The following ZZZ3 variants were observed in gnomAD, a reference collection of about 807,000 sequenced individuals.
ZZZ3 encodes zinc finger ZZ-type containing 3, also known as ZZ-type zinc finger-containing protein 3.
In ZZZ3, 22 loss-of-function variants were observed where a neutral mutation model predicts 95.2. The observed-to-expected ratio is 0.23, with a 90% CI of 0.17 to 0.33. ZZZ3 has a LOEUF of 0.33. Among genes scored for constraint, ZZZ3 ranks in the 10% least tolerant of loss-of-function variants. The probability of loss-of-function intolerance (pLI) is 1.00; values close to 1 mark genes in which losing one functional copy is unlikely to be tolerated. For synonymous variants in ZZZ3, 335 were observed against 358.9 expected, an observed-to-expected ratio of 0.93 and a Z score of 0.75; for missense variants, 885 against 1,066.5, an observed-to-expected ratio of 0.83 and a Z score of 2.37.
intron 5 of ZZZ3, among the ~76,000 whole-genome samples, chr1:77,598,611 T>C (rs915867157): frequency 3.3e-5 from 5 of 152,186 alleles, no homozygotes; most frequent in Admixed American, 6.5e-5. Flanking sequence ...TCCCGTCTGA[T>C]TAATTTAAAA....
intron 5 of ZZZ3, among the ~76,000 whole-genome samples, chr1:77,590,900 G>A (rs959353701): frequency 6.6e-6 from 1 of 152,080 alleles, no homozygotes; most frequent in African/African-American, 2.4e-5. Flanking sequence ...GAGAATAAGG[G>A]TAAAAGGAGA....
In ZZZ3 at chr1:77,566,081, C is replaced by G; in HGVS notation, c.2567G>C (p.Cys856Ser). The change falls in exon 14 of 15, where the codon TGT (cysteine) becomes TCT (serine). Residue 856 changes from cysteine to serine, a missense_variant and splice_region_variant. By Grantham distance (112) the Cys-to-Ser change is moderately radical (BLOSUM62 -1). Transcript: ENST00000370801. Reference protein sequence around the residue: ...SLDFCDSCSDCLHETDIHKED... With the variant: ...SLDFCDSCSDSLHETDIHKED... ...GACTGACAATGAAGAAAACACTTAC[C>G]AGTCTGAACAAGAATCACAGAAATC... is the stretch of plus-strand genomic sequence containing the variant. 6.2e-7 allele frequency: 1 copy of G among 1,609,126 alleles called. No homozygotes were observed. The highest frequency in any genetic ancestry group is 8.5e-7 in the Non-Finnish European group (1 of 1,177,082).
At chr1:77,663,970 G>A (rs891840630) in intron 1 of ZZZ3, among the ~76,000 whole-genome samples, 2 of 151,430 alleles carry the variant, frequency 1.3e-5, no homozygotes, top group East Asian at 3.9e-4. Flanking sequence ...GGCTGGTCTC[G>A]AATTCCTGAC....
chr1:77,679,099 A>C (rs1214128816), intron 1 of ZZZ3, among the ~76,000 whole-genome samples: 1 of 152,228 alleles, frequency 6.6e-6, no homozygotes, highest in Non-Finnish European at 1.5e-5. Context: ...GTCAAACAAA[A>C]TAATCAAGAC....
At chr1:77,599,970 C>A (rs887212743) in intron 5 of ZZZ3, among the ~76,000 whole-genome samples, 11 of 152,120 alleles carry the variant, frequency 7.2e-5, no homozygotes, top group African/African-American at 2.2e-4. Flanking sequence ...TTTTCTTTTG[C>A]ATGAAAGGTT....
intron 5 of ZZZ3, among the ~76,000 whole-genome samples, chr1:77,596,806 T>C (rs1486467534): frequency 6.6e-6 from 1 of 151,806 alleles, no homozygotes; most frequent in East Asian, 1.9e-4. Flanking sequence ...ACTTCTGGAG[T>C]GGAATTGTAC....
chr1:77,650,587 C>T (rs1374170074), intron 1 of ZZZ3, among the ~76,000 whole-genome samples: 2 of 146,940 alleles, frequency 1.4e-5, no homozygotes, highest in Non-Finnish European at 3.0e-5. Context: ...GCAGTATTTA[C>T]AGAGAAATCC....
chr1:77,672,058 C>T (rs1343685998), intron 1 of ZZZ3, among the ~76,000 whole-genome samples: 1 of 152,152 alleles, frequency 6.6e-6, no homozygotes, highest in Non-Finnish European at 1.5e-5. Context: ...CAAAAGGGCA[C>T]ACAATTTAAA....
intron 1 of ZZZ3, among the ~76,000 whole-genome samples, chr1:77,654,780 A>G (rs1163997622): frequency 6.6e-6 from 1 of 152,172 alleles, no homozygotes; most frequent in Non-Finnish European, 1.5e-5. Context: ...ATAACAGAAT[A>G]CCAGAAATTG....
chr1:77,679,706 A>C (rs1469486817), intron 1 of ZZZ3, among the ~76,000 whole-genome samples: 2 of 152,232 alleles, frequency 1.3e-5, no homozygotes, highest in African/African-American at 4.8e-5. Flanking sequence ...TCCTCTGATC[A>C]CTGAAGTTCA....
chr1:77,656,443 CA>C (rs1291263098), intron 1 of ZZZ3, among the ~76,000 whole-genome samples: 3 of 151,960 alleles, frequency 2.0e-5, no homozygotes, highest in Non-Finnish European at 4.4e-5. Flanking sequence ...ACACAACAAT[CA>C]AAAAGACTAG....
intron 5 of ZZZ3, among the ~76,000 whole-genome samples, chr1:77,628,783 A>C (rs1237333566): frequency 6.6e-6 from 1 of 152,190 alleles, no homozygotes; most frequent in Non-Finnish European, 1.5e-5. Context: ...TCTATTAACA[A>C]CTTACTTTTA....
intron 5 of ZZZ3, among the ~76,000 whole-genome samples, chr1:77,598,059 C>T (rs1012756950): frequency 6.6e-6 from 1 of 151,998 alleles, no homozygotes; most frequent in African/African-American, 2.4e-5. Flanking sequence ...TAAATACAGT[C>T]GACCCTTGAG....
chr1:77,663,666 G>GT (rs939005953), intron 1 of ZZZ3, among the ~76,000 whole-genome samples: 1 of 151,794 alleles, frequency 6.6e-6, no homozygotes, highest in African/African-American at 2.4e-5. Context: ...TACTTCATTT[G>GT]TTTTTTCTTT....
intron 5 of ZZZ3, among the ~76,000 whole-genome samples, chr1:77,594,596 A>G (rs1029278060): frequency 1.3e-5 from 2 of 152,064 alleles, no homozygotes; most frequent in African/African-American, 4.8e-5. Context: ...GTTCTAGACT[A>G]TATTTAGAGC....
intron 13 of ZZZ3, among the ~76,000 whole-genome samples, chr1:77,566,666 T>C (rs1384700573): frequency 1.3e-5 from 2 of 152,220 alleles, no homozygotes; most frequent in African/African-American, 2.4e-5. Flanking sequence ...GCAGGTTCTC[T>C]TGGCTAACAT....
intron 5 of ZZZ3, among the ~76,000 whole-genome samples, chr1:77,595,721 T>C (rs1366733685): frequency 1.3e-5 from 2 of 151,998 alleles, no homozygotes; most frequent in East Asian, 1.9e-4. Context: ...AAGGCTAATA[T>C]GATCACAATG....
intron 5 of ZZZ3, among the ~76,000 whole-genome samples, chr1:77,612,786 G>T (rs944558571): frequency 6.6e-6 from 1 of 151,896 alleles, no homozygotes; most frequent in African/African-American, 2.4e-5. Context: ...CCACTGGCAG[G>T]GGGGTGGGGA....
chr1:77,628,694 G>A (rs1667529362), intron 5 of ZZZ3, among the ~76,000 whole-genome samples: 1 of 152,228 alleles, frequency 6.6e-6, no homozygotes, highest in Non-Finnish European at 1.5e-5. Context: ...TGTTAGGTTA[G>A]AGGAAAAGTT....
Sources: gnomAD v4.1 joint callset for allele counts (sites outside exome capture counted in the v4.1 genomes callset) on GRCh38, gnomAD v4.1.1 for gene constraint, MANE v1.5 for transcripts, NCBI Gene and HGNC (gene_info 2026-07-23, HGNC 2026-07-21) for gene names.